SLCO1A2: variants seen among roughly 807,000 people sequenced by gnomAD.
The protein encoded by SLCO1A2 is solute carrier organic anion transporter family member 1A2.
A neutral mutation model predicts 69.0 loss-of-function variants in SLCO1A2; 67 were observed. That is an observed-to-expected ratio of 0.97 (90% CI 0.80 to 1.19). The LOEUF (loss-of-function observed/expected upper bound fraction) is 1.19, where lower values mean the gene tolerates loss of function less well. SLCO1A2 is among the 50% of genes most tolerant of loss of function. SLCO1A2 has a pLI of 0.00. For missense variants in SLCO1A2, 787 were observed against 793.7 expected, an observed-to-expected ratio of 0.99 and a Z score of 0.10; for synonymous variants, 260 against 265.9, an observed-to-expected ratio of 0.98 and a Z score of 0.22.
chr12:21,373,614 TA>T (rs1939962912), intron 2 of SLCO1A2: 1 of 700,774 alleles, frequency 1.4e-6, no homozygotes, highest in African/African-American at 1.8e-5. Context: ...CAGTGGCAAA[TA>T]AATATCTTTG....
chr12:21,345,097 A>G (rs1251738676), intron 2 of SLCO1A2, among the ~76,000 whole-genome samples: 1 of 151,990 alleles, frequency 6.6e-6, no homozygotes, highest in Non-Finnish European at 1.5e-5. Flanking sequence ...TTAATTTTTA[A>G]TCTTCAAGCA....
At chr12:21,307,434 A>G (rs1423853029) in intron 4 of SLCO1A2, among the ~76,000 whole-genome samples, 2 of 152,212 alleles carry the variant, frequency 1.3e-5, no homozygotes, top group African/African-American at 4.8e-5. Flanking sequence ...CGAAACCTCC[A>G]GTTTCTGAGA....
At chr12:21,364,558 GA>G (rs1472097228) in intron 2 of SLCO1A2, among the ~76,000 whole-genome samples, 2 of 152,042 alleles carry the variant, frequency 1.3e-5, no homozygotes, top group Admixed American at 1.3e-4. Context: ...GGCAATCAGG[GA>G]AGAGAAAGAA....
intron 4 of SLCO1A2, 53 bp from the exon 5 acceptor site, chr12:21,307,041 G>A: frequency 8.3e-7 from 1 of 1,207,728 alleles, no homozygotes; most frequent in South Asian, 1.3e-5. Context: ...TGAGGACAAT[G>A]TGGGCAATGT....
intron 2 of SLCO1A2, among the ~76,000 whole-genome samples, chr12:21,363,114 A>G (rs1182807284): frequency 4.6e-5 from 7 of 152,202 alleles, no homozygotes; most frequent in African/African-American, 1.4e-4. Context: ...AACACATCAC[A>G]CTTATTCCAA....
intron 12 of SLCO1A2, among the ~76,000 whole-genome samples, chr12:21,278,561 A>T (rs1011314097): frequency 5.3e-5 from 8 of 152,172 alleles, no homozygotes; most frequent in African/African-American, 1.9e-4. Context: ...GTTTGGAAGA[A>T]ATTAAGGCAA....
At chr12:21,313,830 C>A (rs948115145) in intron 4 of SLCO1A2, among the ~76,000 whole-genome samples, 9 of 151,562 alleles carry the variant, frequency 5.9e-5, no homozygotes, top group Non-Finnish European at 1.2e-4. Flanking sequence ...ATTAGCCAGG[C>A]ATGGTACCTG....
chr12:21,344,710 T>C (rs1953196985), intron 2 of SLCO1A2, among the ~76,000 whole-genome samples: 1 of 150,886 alleles, frequency 6.6e-6, no homozygotes, highest in African/African-American at 2.5e-5. Context: ...AAAGGAAACA[T>C]ATGAATTAAA....
At chr12:21,374,340 A>G (rs550618985) in intron 2 of SLCO1A2, 1 of 152,420 alleles carries the variant, frequency 6.6e-6, no homozygotes, top group African/African-American at 2.4e-5. Flanking sequence ...GTTTTGCTCC[A>G]TATAGTCTTA....
Position 21,293,969 on chromosome 12 carries a change from T to C in SLCO1A2, c.1413A>G (p.Thr471=). 2 of 1,610,370 alleles carry C rather than the reference T, an allele frequency of 1.2e-6. No homozygotes were observed. The highest frequency in any genetic ancestry group is 1.7e-6 in the Non-Finnish European group (2 of 1,178,620). The part of the protein sequence containing the change: ...YLSACLAGCE[T]SIGTGINMVF... ...CCATGTTTATTCCCGTTCCAATGGA[T>C]GTCTCACAACCAGCAAGACAAGCTG... The change falls in exon 11 of 15, where the codon ACA becomes ACG. Residue 471 remains threonine, a synonymous_variant. Transcript: ENST00000683939.
intron 2 of SLCO1A2, among the ~76,000 whole-genome samples, chr12:21,329,471 A>G (rs1374969024): frequency 6.6e-6 from 1 of 151,604 alleles, no homozygotes; most frequent in Non-Finnish European, 1.5e-5. Flanking sequence ...GCAATTACAG[A>G]TAACAATAAC....
At position 21,282,385 on chromosome 12, in the gene SLCO1A2, G is replaced by A. The variant is rs138796018; in HGVS notation, c.1611-6961C>T. Among the ~76,000 whole-genome samples the A allele has an allele frequency of 8.2e-5, 12 of 146,178 alleles. No homozygotes were observed. In the East Asian group the frequency reaches 1.7e-3, roughly 21 times the overall value. Reference sequence around the variant, plus strand: ...AAAACATTTGATAAGATTCAGCATCGCTTTATGGTAAAAAAAAAAACTCTC... The same window carrying A: ...AAAACATTTGATAAGATTCAGCATCACTTTATGGTAAAAAAAAAAACTCTC... On this transcript the variant is annotated intron_variant, in intron 12 of 14. Coordinates refer to ENST00000683939, the MANE Select transcript of SLCO1A2 (RefSeq NM_001386879.1).
chr12:21,408,568 G>A (rs77414002), intron 1 of SLCO1A2, among the ~76,000 whole-genome samples: 2 of 152,076 alleles, frequency 1.3e-5, no homozygotes, highest in African/African-American at 2.4e-5. Flanking sequence ...ACTGCCCAAC[G>A]AAAAGTGTCC....
rs1942296566 is a variant in SLCO1A2 at position 21,268,465 on chromosome 12, G to T, written c.*1083C>A. ...GTAAGGAGTAGACAAACAGGTATTTGTCTGTTCATTCTATTCTCTTTTACC... is the reference window on the plus strand; with the variant it reads ...GTAAGGAGTAGACAAACAGGTATTTTTCTGTTCATTCTATTCTCTTTTACC... On this transcript the variant is annotated 3_prime_UTR_variant, in exon 15 of 15. Transcript: ENST00000683939. 1 of 152,004 alleles carries T rather than the reference G, an allele frequency of 6.6e-6. No individual in the cohort carries two copies. The highest frequency in any genetic ancestry group is 2.1e-4 in the South Asian group (1 of 4,824). 9.4% of individuals were successfully genotyped at this position (152,004 alleles called of 1,614,324 possible).
At chr12:21,295,524 G>A in intron 10 of SLCO1A2, 73 bp downstream of exon 10, 1 of 897,100 alleles carries the variant, frequency 1.1e-6, no homozygotes, top group Non-Finnish European at 1.8e-6. Context: ...ATCTGATCGT[G>A]CATTGCCATT....
At position 21,268,538 on chromosome 12, in the gene SLCO1A2, T is replaced by C. The variant is rs1339975274; in HGVS notation, c.*1010A>G. On this transcript the variant is annotated 3_prime_UTR_variant, in exon 15 of 15. Coordinates refer to ENST00000683939, the MANE Select transcript of SLCO1A2 (RefSeq NM_001386879.1). ...AGTCCTCTTCTATGTCTAAAATCCT[T>C]CAATTTTTAATTTTATCCATAATTT... 1.3e-5 allele frequency: 2 copies of C among 152,100 alleles called. No individual in the cohort carries two copies. The highest frequency in any genetic ancestry group is 2.9e-5 in the Non-Finnish European group (2 of 67,990). The allele number at this position is 152,100 out of a possible 1,614,324, so 9.4% of individuals were successfully genotyped here.
At chr12:21,366,161 A>G (rs1357736544) in intron 2 of SLCO1A2, among the ~76,000 whole-genome samples, 1 of 152,208 alleles carries the variant, frequency 6.6e-6, no homozygotes, top group Non-Finnish European at 1.5e-5. Context: ...AATGTCCATC[A>G]GTGATAGACT....
At chr12:21,357,069 T>A (rs541028558) in intron 2 of SLCO1A2, among the ~76,000 whole-genome samples, 1 of 152,036 alleles carries the variant, frequency 6.6e-6, no homozygotes, top group Non-Finnish European at 1.5e-5. Context: ...AAAGAAAGGA[T>A]AAAAACAAAC....
intron 12 of SLCO1A2, among the ~76,000 whole-genome samples, chr12:21,280,922 A>G (rs889825302): frequency 1.3e-5 from 2 of 152,174 alleles, no homozygotes; most frequent in African/African-American, 4.8e-5. Flanking sequence ...ATAAAACTAC[A>G]AATCAATAAC....
Sources: gnomAD v4.1 joint callset for allele counts (sites outside exome capture counted in the v4.1 genomes callset) on GRCh38, gnomAD v4.1.1 for gene constraint, MANE v1.5 for transcripts, NCBI Gene and HGNC (gene_info 2026-07-23, HGNC 2026-07-21) for gene names.